LHFPL2: variants seen among roughly 807,000 people sequenced by gnomAD.
The protein encoded by LHFPL2 is LHFPL tetraspan subfamily member 2 protein.
A neutral mutation model predicts 17.5 loss-of-function variants in LHFPL2; 7 were observed. The observed-to-expected ratio is 0.40, with a 90% CI of 0.23 to 0.75. The LOEUF is 0.75. Among genes scored for constraint, LHFPL2 ranks in the 30% least tolerant of loss-of-function variants. The pLI is 0.37. For synonymous variants in LHFPL2, 134 were observed against 116.2 expected, an observed-to-expected ratio of 1.15 and a Z score of -0.99; for missense variants, 241 against 294.8, an observed-to-expected ratio of 0.82 and a Z score of 1.34.
intron 3 of LHFPL2, among the ~76,000 whole-genome samples, chr5:78,513,494 A>G (rs1755198161): frequency 2.0e-5 from 3 of 152,200 alleles, no homozygotes; most frequent in Non-Finnish European, 4.4e-5. Flanking sequence ...AACTGCTACT[A>G]TCAGAGGAAC....
intron 2 of LHFPL2, among the ~76,000 whole-genome samples, chr5:78,571,576 A>G (rs1029735945): frequency 2.6e-5 from 4 of 152,124 alleles, no homozygotes; most frequent in Non-Finnish European, 5.9e-5. Flanking sequence ...GACATCCAAA[A>G]ATGACCAAAA....
chr5:78,533,503 GT>G (rs1157617780), intron 3 of LHFPL2, among the ~76,000 whole-genome samples: 1 of 152,206 alleles, frequency 6.6e-6, no homozygotes, highest in African/African-American at 2.4e-5. Flanking sequence ...TATGGAAAAG[GT>G]AAGTATAAGC....
At chr5:78,547,900 A>C (rs929526559) in intron 3 of LHFPL2, among the ~76,000 whole-genome samples, 6 of 152,264 alleles carry the variant, frequency 3.9e-5, no homozygotes, top group African/African-American at 1.4e-4. Flanking sequence ...CCAACCAACA[A>C]AATATCCCAA....
intron 2 of LHFPL2, among the ~76,000 whole-genome samples, chr5:78,569,623 A>C (rs2112423356): frequency 6.6e-6 from 1 of 152,358 alleles, no homozygotes; most frequent in African/African-American, 2.4e-5. Context: ...AAGGAAAGAC[A>C]TGAGAGTGTC....
intron 3 of LHFPL2, among the ~76,000 whole-genome samples, chr5:78,516,223 C>T (rs1755286668): frequency 7.3e-6 from 1 of 137,772 alleles, no homozygotes; most frequent in Admixed American, 7.5e-5. Context: ...GACCCAAATG[C>T]ACTAACAATT....
intron 2 of LHFPL2, among the ~76,000 whole-genome samples, chr5:78,616,318 G>A (rs1466914906): frequency 2.6e-5 from 4 of 151,940 alleles, no homozygotes; most frequent in Admixed American, 2.0e-4. Context: ...TAGTAGAGAC[G>A]GGGTTTCACC....
At chr5:78,604,045 T>A (rs1309615198) in intron 2 of LHFPL2, among the ~76,000 whole-genome samples, 3 of 152,046 alleles carry the variant, frequency 2.0e-5, no homozygotes, top group Non-Finnish European at 2.9e-5. Context: ...CTCTAAAAAA[T>A]TAATTAATTT....
intron 2 of LHFPL2, among the ~76,000 whole-genome samples, chr5:78,623,437 T>C (rs187198464): frequency 3.7e-4 from 56 of 152,330 alleles, no homozygotes; most frequent in Middle Eastern, 3.4e-3. Flanking sequence ...GCCACTATGG[T>C]TATAGACCCC....
intron 3 of LHFPL2, among the ~76,000 whole-genome samples, chr5:78,517,346 T>C (rs183525007): frequency 2.0e-4 from 31 of 152,334 alleles, no homozygotes; most frequent in African/African-American, 7.2e-4. Context: ...TAGGTTTCTT[T>C]CTTGATGCCA....
In LHFPL2 at chr5:78,488,998, A is replaced by G. The variant is rs1236449391; in HGVS notation, c.586T>C (p.Phe196Leu). Residue 196 changes from phenylalanine (F) to leucine (L), a missense_variant, in exon 5 of 5, where the codon TTC (phenylalanine) becomes CTC (leucine). Coordinates refer to ENST00000380345, the MANE Select transcript of LHFPL2 (RefSeq NM_005779.3). ...TGTGCAGAGAAGACAGCACAGATGA[A>G]AGTGAGGACTGTGCCCCCAATGGCG... ...YTAIGGTVLT[F>L]ICAVFSAQAE... 1 of 1,614,086 alleles carries G rather than the reference A, an allele frequency of 6.2e-7. No individual in the cohort carries two copies. The highest frequency in any genetic ancestry group is 1.3e-5 in the African/African-American group (1 of 74,940).
At chr5:78,639,484 G>T (rs1481453189) in intron 1 of LHFPL2, among the ~76,000 whole-genome samples, 10 of 152,202 alleles carry the variant, frequency 6.6e-5, no homozygotes, top group Admixed American at 6.5e-4. Context: ...AATCCATGCA[G>T]AGTCAGTAAT....
chr5:78,578,490 G>A (rs191039002), intron 2 of LHFPL2, among the ~76,000 whole-genome samples: 13 of 151,974 alleles, frequency 8.6e-5, no homozygotes, highest in Admixed American at 5.2e-4. Flanking sequence ...CTTGCAAGAC[G>A]GAAGGTTCTG....
At chr5:78,524,084 C>T (rs918744178) in intron 3 of LHFPL2, among the ~76,000 whole-genome samples, 1 of 152,164 alleles carries the variant, frequency 6.6e-6, no homozygotes, top group Non-Finnish European at 1.5e-5. Flanking sequence ...GGGCTGAGCA[C>T]ATGACTAGAA....
At chr5:78,622,776 G>C (rs538372308) in intron 2 of LHFPL2, among the ~76,000 whole-genome samples, 1 of 152,314 alleles carries the variant, frequency 6.6e-6, no homozygotes, top group Admixed American at 6.5e-5. Flanking sequence ...CTACAGAAAA[G>C]GCATGCTCTT....
chr5:78,616,707 C>T (rs1330037035), intron 2 of LHFPL2, among the ~76,000 whole-genome samples: 1 of 152,160 alleles, frequency 6.6e-6, no homozygotes, highest in Non-Finnish European at 1.5e-5. Context: ...AACTATTGCT[C>T]TCCTTGCAAC....
chr5:78,532,096 G>T (rs1299485860), intron 3 of LHFPL2, among the ~76,000 whole-genome samples: 2 of 152,014 alleles, frequency 1.3e-5, no homozygotes, highest in Non-Finnish European at 2.9e-5. Context: ...AGCTAATTTT[G>T]TATTTTTAGT....
At chr5:78,510,671 G>A (rs1034506606) in intron 3 of LHFPL2, among the ~76,000 whole-genome samples, 1 of 152,226 alleles carries the variant, frequency 6.6e-6, no homozygotes, top group East Asian at 1.9e-4. Flanking sequence ...CCCAACCCAG[G>A]GGGCACTGTC....
intron 2 of LHFPL2, among the ~76,000 whole-genome samples, chr5:78,575,389 A>C (rs1281964264): frequency 6.6e-6 from 1 of 152,094 alleles, no homozygotes; most frequent in African/African-American, 2.4e-5. Context: ...TCTACTAAAA[A>C]TACAAAAAAA....
Position 78,486,018 on chromosome 5 carries a change from A to G in LHFPL2, c.*2879T>C, listed in dbSNP as rs1392200282. ...TGACTCCTGTCCAGTTTCCAAAACA[A>G]AACAACAAAACATACATACACCTTT... On this transcript the variant is annotated 3_prime_UTR_variant, in exon 5 of 5. Coordinates refer to ENST00000380345, the MANE Select transcript of LHFPL2 (RefSeq NM_005779.3). The G allele has an allele frequency of 2.0e-5, 3 of 152,640 alleles. No homozygotes were observed. The highest frequency in any genetic ancestry group is 4.4e-5 in the Non-Finnish European group (3 of 68,018). 9.5% of individuals were successfully genotyped at this position (152,640 alleles called of 1,614,324 possible). A position where few individuals can be genotyped will look rare whatever the true frequency, so the allele number is the denominator to read the frequency against.
Sources: gnomAD v4.1 joint callset for allele counts (sites outside exome capture counted in the v4.1 genomes callset) on GRCh38, gnomAD v4.1.1 for gene constraint, MANE v1.5 for transcripts, NCBI Gene and HGNC (gene_info 2026-07-23, HGNC 2026-07-21) for gene names.